Variants in ARHGAP24 observed in about 807,000 individuals in gnomAD.
ARHGAP24 encodes rho GTPase-activating protein 24.
A neutral mutation model predicts 76.4 loss-of-function variants in ARHGAP24; 50 were observed. That is an observed-to-expected ratio of 0.65 (90% CI 0.52 to 0.83). The LOEUF (loss-of-function observed/expected upper bound fraction) is 0.83, where lower values mean the gene tolerates loss of function less well. ARHGAP24 is among the 40% of genes least tolerant of loss of function. The pLI is 0.00. For synonymous variants in ARHGAP24, 345 were observed against 323.3 expected (o/e 1.07, Z -0.72); for missense variants, 930 against 914.2 (o/e 1.02, Z -0.22).
intron 3 of ARHGAP24, among the ~76,000 whole-genome samples, chr4:85,740,729 T>C (rs575630042): frequency 5.9e-5 from 9 of 152,312 alleles, no homozygotes; most frequent in African/African-American, 2.2e-4. Context: ...TGGAAGATGA[T>C]GTCATTCTTT....
chr4:85,608,081 C>T (rs1720263532), intron 2 of ARHGAP24, among the ~76,000 whole-genome samples: 1 of 152,108 alleles, frequency 6.6e-6, no homozygotes, highest in Non-Finnish European at 1.5e-5. Context: ...TAAGAGCCTT[C>T]TTTGTCTTTA....
intron 3 of ARHGAP24, among the ~76,000 whole-genome samples, chr4:85,789,894 T>A (rs1728040671): frequency 6.6e-6 from 1 of 152,232 alleles, no homozygotes; most frequent in African/African-American, 2.4e-5. Context: ...CTCCTTGCTT[T>A]AAGATCTAAG....
chr4:85,602,083 T>G (rs1356907986), intron 2 of ARHGAP24, among the ~76,000 whole-genome samples: 2 of 152,198 alleles, frequency 1.3e-5, no homozygotes, highest in South Asian at 2.1e-4. Flanking sequence ...CCAGAGACTT[T>G]CTGCGTGATA....
intron 1 of ARHGAP24, among the ~76,000 whole-genome samples, chr4:85,498,860 T>G (rs976978531): frequency 6.6e-6 from 1 of 152,210 alleles, no homozygotes; most frequent in Non-Finnish European, 1.5e-5. Context: ...TCTAAGAAAA[T>G]GAAAGTTCCC....
At chr4:85,583,867 A>C (rs2109974347) in intron 2 of ARHGAP24, among the ~76,000 whole-genome samples, 1 of 134,894 alleles carries the variant, frequency 7.4e-6, no homozygotes, top group South Asian at 2.8e-4. Context: ...GCCATCAGAG[A>C]AATGCAAATC....
chr4:85,843,850 T>C (rs1429153551), intron 3 of ARHGAP24, among the ~76,000 whole-genome samples: 1 of 152,164 alleles, frequency 6.6e-6, no homozygotes, highest in African/African-American at 2.4e-5. Flanking sequence ...ATATTATAAA[T>C]GTTGACATTG....
rs143699035 is a variant in ARHGAP24, at chr4:85,921,140, A to G, written c.269-2508A>G. 2.0e-5 allele frequency among the ~76,000 whole-genome samples: 3 copies of G among 152,338 alleles called. No individual in the cohort carries two copies. In the East Asian group the frequency reaches 5.8e-4, roughly 29 times the overall value. The stretch of plus-strand genomic sequence containing the variant: ...ATGGAATCAAACCAAATGCCCATCA[A>G]ATGACAGACTGGATAAAGAAAATGT... On this transcript the variant is annotated intron_variant, in intron 3 of 9. Coordinates refer to ENST00000395184, the MANE Select transcript of ARHGAP24 (RefSeq NM_001025616.3).
intron 3 of ARHGAP24, among the ~76,000 whole-genome samples, chr4:85,788,834 C>T (rs1727979372): frequency 6.6e-6 from 1 of 152,048 alleles, no homozygotes; most frequent in Non-Finnish European, 1.5e-5. Context: ...GCTAAGATTC[C>T]CAGAAAGTAA....
intron 3 of ARHGAP24, among the ~76,000 whole-genome samples, chr4:85,904,388 A>G (rs1490072081): frequency 6.6e-6 from 1 of 152,200 alleles, no homozygotes; most frequent in East Asian, 1.9e-4. Context: ...TCATGGAAAC[A>G]GCACCAAGTT....
intron 8 of ARHGAP24, among the ~76,000 whole-genome samples, chr4:85,986,176 C>T (rs1213281865): frequency 6.6e-6 from 1 of 152,036 alleles, no homozygotes; most frequent in Admixed American, 6.6e-5. Context: ...TACCATTATT[C>T]TTCTTCTTGC....
intron 3 of ARHGAP24, among the ~76,000 whole-genome samples, chr4:85,823,031 T>C (rs1207420635): frequency 1.3e-5 from 2 of 152,168 alleles, no homozygotes; most frequent in Non-Finnish European, 2.9e-5. Context: ...ACAAATTAAC[T>C]TTGTCAAAAA....
At position 85,972,041 on chromosome 4, in the gene ARHGAP24, C is replaced by G; in HGVS notation, c.605C>G (p.Thr202Arg). Reference sequence around the variant, plus strand: ...TCACACTTCTGTCTCCACAGCAACACAGATGTACACACGGTGGCATCACTT... The same window carrying G: ...TCACACTTCTGTCTCCACAGCAACAGAGATGTACACACGGTGGCATCACTT... ...CGEKPSFDSNTDVHTVASLLK... is the reference protein window; with the variant it reads ...CGEKPSFDSNRDVHTVASLLK... The change falls in exon 6 of 10, where the codon ACA (threonine) becomes AGA (arginine). Residue 202 changes from threonine to arginine, a missense_variant. Thr to Arg is a moderately conservative substitution (Grantham distance 71, BLOSUM62 -1). Coordinates refer to ENST00000395184, the MANE Select transcript of ARHGAP24 (RefSeq NM_001025616.3). The G allele has an allele frequency of 6.2e-7, 1 of 1,614,050 alleles. No individual in the cohort carries two copies.
At chr4:85,731,025 C>CAGAG (rs1245948120) in intron 3 of ARHGAP24, among the ~76,000 whole-genome samples, 2 of 83,642 alleles carry the variant, frequency 2.4e-5, no homozygotes, top group African/African-American at 7.4e-5. Flanking sequence ...CACACACACA[C>CAGAG]ACAGAGAGAG....
chr4:85,800,600 A>G (rs1475967719), intron 3 of ARHGAP24, among the ~76,000 whole-genome samples: 1 of 151,984 alleles, frequency 6.6e-6, no homozygotes, highest in African/African-American at 2.4e-5. Context: ...AGAAGAAAAA[A>G]GAGGAGGAGG....
At chr4:85,639,876 T>C (rs1721459571) in intron 2 of ARHGAP24, among the ~76,000 whole-genome samples, 1 of 152,184 alleles carries the variant, frequency 6.6e-6, no homozygotes, top group Non-Finnish European at 1.5e-5. Flanking sequence ...AGAAATATTG[T>C]TCAGTCCTTT....
intron 2 of ARHGAP24, among the ~76,000 whole-genome samples, chr4:85,632,764 T>C (rs1237643461): frequency 6.6e-6 from 1 of 152,012 alleles, no homozygotes; most frequent in Non-Finnish European, 1.5e-5. Flanking sequence ...AATTACCTGC[T>C]GCTATATGTT....
chr4:85,922,755 A>T (rs951800447), intron 3 of ARHGAP24, among the ~76,000 whole-genome samples: 2 of 152,228 alleles, frequency 1.3e-5, no homozygotes, highest in African/African-American at 4.8e-5. Context: ...TCAAGGTCAA[A>T]TATGGTTATC....
chr4:85,865,718 A>T (rs1205709773), intron 3 of ARHGAP24, among the ~76,000 whole-genome samples: 1 of 151,658 alleles, frequency 6.6e-6, no homozygotes, highest in Non-Finnish European at 1.5e-5. Context: ...AAATAAGAAG[A>T]ATTATTAATT....
At chr4:85,579,835 T>G (rs1239775406) in intron 2 of ARHGAP24, among the ~76,000 whole-genome samples, 1 of 152,172 alleles carries the variant, frequency 6.6e-6, no homozygotes, top group Non-Finnish European at 1.5e-5. Context: ...ATATAACACT[T>G]TTTAAAATCC....
Sources: allele counts gnomAD v4.1 joint callset (sites outside exome capture counted in the v4.1 genomes callset), GRCh38; gene constraint gnomAD v4.1.1; transcripts MANE v1.5; gene names NCBI Gene and HGNC (gene_info 2026-07-23, HGNC 2026-07-21).